DROSHA: variants seen among roughly 807,000 people sequenced by gnomAD.
The protein encoded by DROSHA is drosha ribonuclease III.
Under a neutral mutation model 181.9 loss-of-function variants are expected in DROSHA, and 56 were observed. That is an observed-to-expected ratio of 0.31 (90% CI 0.25 to 0.38). The LOEUF is 0.38. DROSHA is among the 10% of genes least tolerant of loss of function. The probability of loss-of-function intolerance (pLI) is 1.00; values close to 1 mark genes in which losing one functional copy is unlikely to be tolerated. For missense variants in DROSHA, 1,218 were observed against 1,743.5 expected, an observed-to-expected ratio of 0.70 and a Z score of 5.37; for synonymous variants, 524 against 591.2, an observed-to-expected ratio of 0.89 and a Z score of 1.65.
intron 4 of DROSHA, among the ~76,000 whole-genome samples, chr5:31,527,201 C>G (rs139699709): frequency 6.6e-6 from 1 of 152,266 alleles, no homozygotes; most frequent in African/African-American, 2.4e-5. Context: ...AATTCAACAT[C>G]CCATTGTTCA....
chr5:31,452,800 G>C (rs1747180145), intron 20 of DROSHA, among the ~76,000 whole-genome samples: 1 of 152,224 alleles, frequency 6.6e-6, no homozygotes, highest in Non-Finnish European at 1.5e-5. Flanking sequence ...ACCTCCACGT[G>C]TAAGGCCTTA....
Position 31,409,228 on chromosome 5 carries a change from T to C in DROSHA, c.3750+22A>G. ...CACCAAACATAAAGCAGACCACTAA[T>C]TCAAACTTTATATGAGCTTACTTTC... is the stretch of plus-strand genomic sequence containing the variant. On this transcript the variant is annotated intron_variant, in intron 32 of 35. Coordinates refer to ENST00000344624, the MANE Select transcript of DROSHA (RefSeq NM_001382508.1). The surrounding 1 kb of genome is among the most constrained non-coding windows in gnomAD (Gnocchi z 4.0). The C allele has an allele frequency of 1.2e-6, 2 of 1,602,668 alleles. No individual in the cohort carries two copies. Among genetic ancestry groups the C allele is most frequent in the East Asian group, 4.5e-5 (2 of 44,608 alleles).
chr5:31,404,808 T>A (rs114116858), intron 35 of DROSHA, among the ~76,000 whole-genome samples: 195 of 151,194 alleles, frequency 1.3e-3, no homozygotes, highest in African/African-American at 4.5e-3. Flanking sequence ...GATAATGATT[T>A]AAAAAAAAAT....
At position 31,514,921 on chromosome 5, in the gene DROSHA, C is replaced by T; in HGVS notation, c.1290+67G>A. ...CCCCACAATCAAGAATTTATCCAGC[C>T]CCAAAGGCCAATAGTGACAACGCCG... On this transcript the variant is annotated intron_variant, in intron 8 of 35. Transcript: ENST00000344624. This position sits in a 1 kb window ranked among gnomAD's most constrained non-coding sequence, Gnocchi z 4.4. 6.8e-7 allele frequency: 1 copy of T among 1,465,974 alleles called. No individual in the cohort carries two copies. The highest frequency in any genetic ancestry group is 9.4e-7 in the Non-Finnish European group (1 of 1,066,528). 90.8% of individuals were successfully genotyped at this position (1,465,974 alleles called of 1,614,324 possible). A position where few individuals can be genotyped will look rare whatever the true frequency, so the allele number is the denominator to read the frequency against.
intron 26 of DROSHA, among the ~76,000 whole-genome samples, 198 bp from the exon 27 acceptor site, chr5:31,429,743 T>C (rs1031246822): frequency 2.0e-5 from 3 of 152,178 alleles, no homozygotes; most frequent in Admixed American, 6.6e-5. Flanking sequence ...TGAAATAATA[T>C]GAAATTCAAT....
intron 18 of DROSHA, chr5:31,467,697 T>G (rs889644940): frequency 3.7e-6 from 1 of 272,200 alleles, no homozygotes; most frequent in Non-Finnish European, 6.8e-6. Context: ...CAAGGACTTA[T>G]GTTGACCAAG....
rs1414569814 is a variant in DROSHA at position 31,451,599 on chromosome 5, G to A, written c.2616C>T (p.Tyr872=). Residue 872 remains tyrosine (Y), a synonymous_variant, in exon 21 of 36, where the codon TAC becomes TAT. Coordinates refer to ENST00000344624, the MANE Select transcript of DROSHA (RefSeq NM_001382508.1). ...TGTCCAAATGCATTAGGCATTGGTGGTAGCGGATATGATGGGTCAGAACAG... is the reference window on the plus strand; with the variant it reads ...TGTCCAAATGCATTAGGCATTGGTGATAGCGGATATGATGGGTCAGAACAG... ...MLPVLTHHIR[Y]HQCLMHLDKL... The A allele has an allele frequency of 6.2e-7, 1 of 1,612,976 alleles. No homozygotes were observed. Among genetic ancestry groups the A allele is most frequent in the Non-Finnish European group, 8.5e-7 (1 of 1,179,488 alleles).
At chr5:31,472,621 T>C (rs528792302) in intron 16 of DROSHA, among the ~76,000 whole-genome samples, 1 of 152,248 alleles carries the variant, frequency 6.6e-6, no homozygotes, top group Admixed American at 6.5e-5. Context: ...AGGTAACAGA[T>C]GAAAGCTCTT....
At chr5:31,515,699 G>C (rs988531259) in intron 6 of DROSHA, 135 bp from the exon 7 acceptor site, 2 of 1,250,660 alleles carry the variant, frequency 1.6e-6, no homozygotes, top group African/African-American at 3.0e-5. Flanking sequence ...CACAAAACAG[G>C]GTCTCAATAT....
At chr5:31,439,290 TCCC>T (rs1745264207) in intron 23 of DROSHA, among the ~76,000 whole-genome samples, 1 of 152,212 alleles carries the variant, frequency 6.6e-6, no homozygotes, top group Non-Finnish European at 1.5e-5. Context: ...TCCTGTGCTG[TCCC>T]ACCCTATTCC....
chr5:31,405,583 T>C (rs529515985), intron 35 of DROSHA, 94 bp downstream of exon 35: 2 of 1,116,960 alleles, frequency 1.8e-6, no homozygotes, highest in Non-Finnish European at 2.6e-6. Context: ...GATCACATTT[T>C]ATCAATACTT....
intron 23 of DROSHA, among the ~76,000 whole-genome samples, chr5:31,443,182 G>A (rs371443929): frequency 7.3e-5 from 11 of 151,608 alleles, no homozygotes; most frequent in African/African-American, 2.7e-4. Flanking sequence ...ACCATGTCTC[G>A]CTGATTTTTG....
rs538581315 is a variant in DROSHA, at chr5:31,483,743, G to A, written c.1997-115C>T. On this transcript the variant is annotated intron_variant, in intron 15 of 35. Coordinates refer to ENST00000344624, the MANE Select transcript of DROSHA (RefSeq NM_001382508.1). ...ACCACAAAAACTACCACCAGAAGTA[G>A]AGGCATAAAAATTACCACCACCTCC... 6.7e-6 allele frequency: 7 copies of A among 1,045,356 alleles called. 1 individual carries two copies. In the East Asian group the frequency reaches 1.3e-4, roughly 19 times the overall value. 64.8% of individuals were successfully genotyped at this position (1,045,356 alleles called of 1,614,324 possible).
intron 12 of DROSHA, among the ~76,000 whole-genome samples, chr5:31,494,720 C>T (rs1315864815): frequency 6.6e-6 from 1 of 152,084 alleles, no homozygotes; most frequent in Admixed American, 6.5e-5. Context: ...CAGTCTCACA[C>T]TGTCGCCCAG....
chr5:31,402,056 A>T (rs1308771945), intron 35 of DROSHA, among the ~76,000 whole-genome samples: 1 of 152,242 alleles, frequency 6.6e-6, no homozygotes, highest in African/African-American at 2.4e-5. Context: ...AGGTGGACAA[A>T]AAGGGGCCAC....
At chr5:31,492,978 T>A (rs762766662) in intron 13 of DROSHA, among the ~76,000 whole-genome samples, 2 of 149,196 alleles carry the variant, frequency 1.3e-5, no homozygotes, top group East Asian at 1.9e-4. Context: ...ACTCTGACAC[T>A]TGTTTACTTA....
In DROSHA at chr5:31,436,707, T is replaced by C. The variant is rs540194653; in HGVS notation, c.2942+532A>G. On this transcript the variant is annotated intron_variant, in intron 24 of 35. Coordinates refer to ENST00000344624, the MANE Select transcript of DROSHA (RefSeq NM_001382508.1). Reference sequence around the variant, plus strand: ...CGCGCCTAGCGTCCTACCCGTACTTTCAAATTAAGGATCCTAAAACACTTC... The same window carrying C: ...CGCGCCTAGCGTCCTACCCGTACTTCCAAATTAAGGATCCTAAAACACTTC... Among the ~76,000 whole-genome samples, 5 of 149,742 alleles carry C rather than the reference T, an allele frequency of 3.3e-5. No individual in the cohort carries two copies. In the South Asian group the frequency reaches 8.4e-4, roughly 25 times the overall value.
At chr5:31,500,218 C>T (rs1753437024) in intron 11 of DROSHA, among the ~76,000 whole-genome samples, 1 of 152,180 alleles carries the variant, frequency 6.6e-6, no homozygotes, top group South Asian at 2.1e-4. Flanking sequence ...CATTTCAGGG[C>T]CCCAACTGGG....
In DROSHA at chr5:31,526,686, G is replaced by T; in HGVS notation, c.247C>A (p.Pro83Thr). 1 of 1,523,142 alleles carries T rather than the reference G, an allele frequency of 6.6e-7. No homozygotes were observed. The highest frequency in any genetic ancestry group is 8.8e-7 in the Non-Finnish European group (1 of 1,137,490). The allele number at this position is 1,523,142 out of a possible 1,614,324, so 94.4% of individuals were successfully genotyped here. A position where few individuals can be genotyped will look rare whatever the true frequency, so the allele number is the denominator to read the frequency against. The change falls in exon 5 of 36, where the codon CCA (proline) becomes ACA (threonine). Residue 83 changes from proline to threonine, a missense_variant. By Grantham distance (38) the Pro-to-Thr change is conservative. Coordinates refer to ENST00000344624, the MANE Select transcript of DROSHA (RefSeq NM_001382508.1). ...PPRPDFVPFP[P>T]PMPPSAQGPL... ...CCTTGCGCTGACGGAGGCATGGGTG[G>T]GGGGAAGGGTACAAAGTCTGGTCGT... is the stretch of plus-strand genomic sequence containing the variant.
Sources: allele counts gnomAD v4.1 joint callset (sites outside exome capture counted in the v4.1 genomes callset), GRCh38; gene constraint gnomAD v4.1.1; non-coding constraint Gnocchi (gnomAD v3.1); transcripts MANE v1.5; gene names NCBI Gene and HGNC (gene_info 2026-07-23, HGNC 2026-07-21).